The following IGF2BP3 variants were observed in gnomAD, a reference collection of about 807,000 sequenced individuals.
The protein encoded by IGF2BP3 is insulin-like growth factor 2 mRNA-binding protein 3.
Under a neutral mutation model 73.8 loss-of-function variants are expected in IGF2BP3, and 9 were observed. The ratio of observed to expected loss-of-function variants is 0.12; its 90% CI spans 0.07 to 0.21. The LOEUF (loss-of-function observed/expected upper bound fraction) is 0.21. Ranked by LOEUF, IGF2BP3 falls within the 10% of genes least tolerant of loss-of-function variation. The pLI is 1.00. For synonymous variants in IGF2BP3, 258 were observed against 256.7 expected (o/e 1.01, Z -0.05); for missense variants, 542 against 714.0 (o/e 0.76, Z 2.75).
intron 6 of IGF2BP3, among the ~76,000 whole-genome samples, chr7:23,350,984 G>C (rs931937121): frequency 6.6e-6 from 1 of 152,166 alleles, no homozygotes; most frequent in Non-Finnish European, 1.5e-5. Flanking sequence ...GAGGGCAGGT[G>C]GGGGGTAAGG....
At chr7:23,363,512 G>A (rs143622946) in intron 3 of IGF2BP3, among the ~76,000 whole-genome samples, 22 of 152,304 alleles carry the variant, frequency 1.4e-4, no homozygotes, top group African/African-American at 5.3e-4. Flanking sequence ...CTCCCCAAGT[G>A]CTGAGATTAC....
intron 10 of IGF2BP3, among the ~76,000 whole-genome samples, chr7:23,325,908 A>G (rs1784281144): frequency 6.6e-6 from 1 of 152,192 alleles, no homozygotes; most frequent in Non-Finnish European, 1.5e-5. Flanking sequence ...CCTTCCTTAC[A>G]CCTTATACAA....
chr7:23,458,865 T>C (rs1369764518), intron 2 of IGF2BP3, among the ~76,000 whole-genome samples: 1 of 152,206 alleles, frequency 6.6e-6, no homozygotes, highest in Non-Finnish European at 1.5e-5. Context: ...AGGACATCTC[T>C]GCTCTGACTT....
At chr7:23,415,480 T>C (rs977137774) in intron 3 of IGF2BP3, 1 of 183,058 alleles carries the variant, frequency 5.5e-6, no homozygotes, top group Non-Finnish European at 1.1e-5. Context: ...CATCACCGCA[T>C]CCGCAGGTCC....
rs190225312 is a variant in IGF2BP3, at chr7:23,407,481, T to C, written c.285+11295A>G. 6.6e-5 allele frequency among the ~76,000 whole-genome samples: 10 copies of C among 151,930 alleles called. No homozygotes were observed. The East Asian group carries it at 1.9e-3, about 30-fold the overall frequency. The stretch of plus-strand genomic sequence containing the variant: ...AAAATTAGCTGGGCATGGTGGCGCA[T>C]GTCTGTAATCCCAGCTACCTGGGAG... On this transcript the variant is annotated intron_variant, in intron 3 of 14. Coordinates refer to ENST00000258729, the MANE Select transcript of IGF2BP3 (RefSeq NM_006547.3).
chr7:23,432,638 ATTT>A (rs201185940), intron 2 of IGF2BP3, among the ~76,000 whole-genome samples: 5 of 144,510 alleles, frequency 3.5e-5, no homozygotes, highest in Non-Finnish European at 1.5e-5. Flanking sequence ...TCATTTTTTA[ATTT>A]TTTTTTTTTT....
intron 3 of IGF2BP3, among the ~76,000 whole-genome samples, chr7:23,389,254 A>T (rs1786192624): frequency 6.6e-6 from 1 of 151,318 alleles, no homozygotes; most frequent in Non-Finnish European, 1.5e-5. Flanking sequence ...TCCATCTCCC[A>T]GGTTCAAGTG....
intron 3 of IGF2BP3, among the ~76,000 whole-genome samples, chr7:23,382,177 T>C (rs967555104): frequency 2.0e-5 from 3 of 151,998 alleles, no homozygotes; most frequent in Admixed American, 6.6e-5. Flanking sequence ...GCCCAGGAGG[T>C]TGAGGCTGCA....
At position 23,312,410 on chromosome 7, in the gene IGF2BP3, T is replaced by G. The variant is rs747817963; in HGVS notation, c.1692A>C (p.Gln564His). The change falls in exon 15 of 15, where the codon CAA becomes CAC. Residue 564 changes from glutamine to histidine, a missense_variant. Physicochemically the swap from Gln to His is conservative, Grantham distance 24. This residue lies in a region of IGF2BP3 where 303 missense variants were observed against 472.1 expected (regional missense o/e 0.64). Transcript: ENST00000258729. The part of the protein sequence containing the change: ...QEILTQVKQH[Q>H]QQKALQSGPP... Reference sequence around the variant, plus strand: ...GTCCACTTTGCAGAGCCTTCTGTTGTTGGTGCTGCTTTACCTGAGTCAGAA... The same window carrying G: ...GTCCACTTTGCAGAGCCTTCTGTTGGTGGTGCTGCTTTACCTGAGTCAGAA... The G allele has an allele frequency of 2.5e-6, 4 of 1,613,860 alleles. No individual in the cohort carries two copies. Among genetic ancestry groups the G allele is most frequent in the Non-Finnish European group, 3.4e-6 (4 of 1,180,002 alleles).
At chr7:23,361,278 G>A in intron 5 of IGF2BP3, 1 of 332,248 alleles carries the variant, frequency 3.0e-6, no homozygotes, top group Non-Finnish European at 5.5e-6. Flanking sequence ...TGCAAATAGG[G>A]TGTGATTCAG....
At chr7:23,321,102 C>T (rs190406867) in intron 10 of IGF2BP3, among the ~76,000 whole-genome samples, 5 of 152,276 alleles carry the variant, frequency 3.3e-5, no homozygotes, top group African/African-American at 9.6e-5. Context: ...CTCCAGTCTA[C>T]AGCTCCCAGC....
Position 23,460,305 on chromosome 7 carries a change from A to T in IGF2BP3, c.236+8177T>A, listed in dbSNP as rs536797730. Among the ~76,000 whole-genome samples the T allele has an allele frequency of 4.6e-5, 7 of 152,026 alleles. No individual in the cohort carries two copies. In the East Asian group the frequency reaches 7.7e-4, roughly 17 times the overall value. ...CACTTTGGGAGGCTGAGGTGGGCAG[A>T]TTACCTGAAGTTATGAGTTCAAGAC... On this transcript the variant is annotated intron_variant, in intron 2 of 14. Transcript: ENST00000258729.
At chr7:23,394,910 A>T (rs1427770895) in intron 3 of IGF2BP3, among the ~76,000 whole-genome samples, 1 of 152,246 alleles carries the variant, frequency 6.6e-6, no homozygotes, top group African/African-American at 2.4e-5. Flanking sequence ...CAGCTGGGCA[A>T]CTTCAAGTAG....
intron 2 of IGF2BP3, among the ~76,000 whole-genome samples, chr7:23,449,374 G>A (rs948167313): frequency 1.6e-4 from 25 of 151,698 alleles, no homozygotes; most frequent in Middle Eastern, 6.8e-3. Flanking sequence ...AAAATTAGCC[G>A]GGTGTGGTGG....
At chr7:23,463,886 G>A (rs1035992257) in intron 2 of IGF2BP3, among the ~76,000 whole-genome samples, 5 of 152,122 alleles carry the variant, frequency 3.3e-5, no homozygotes, top group African/African-American at 9.7e-5. Context: ...GCAATCCCAC[G>A]CTGATCTTAA....
intron 6 of IGF2BP3, among the ~76,000 whole-genome samples, chr7:23,350,796 C>T (rs1426997765): frequency 2.6e-5 from 4 of 152,160 alleles, no homozygotes; most frequent in Non-Finnish European, 5.9e-5. Context: ...CCAATTAAAA[C>T]CATCAAAAAA....
chr7:23,344,707 T>C (rs531335224), intron 8 of IGF2BP3, among the ~76,000 whole-genome samples: 98 of 152,362 alleles, frequency 6.4e-4, no homozygotes, highest in African/African-American at 2.2e-3. Context: ...TTCATCTTCC[T>C]GAAGTTCTCA....
chr7:23,398,353 A>C (rs1019622512), intron 3 of IGF2BP3, among the ~76,000 whole-genome samples: 1 of 152,194 alleles, frequency 6.6e-6, no homozygotes, highest in Non-Finnish European at 1.5e-5. Flanking sequence ...TGCTACTGTT[A>C]ATAGTGCCAC....
chr7:23,466,393 C>T (rs1788567729), intron 2 of IGF2BP3, among the ~76,000 whole-genome samples: 1 of 152,202 alleles, frequency 6.6e-6, no homozygotes, highest in African/African-American at 2.4e-5. Context: ...AAACAACCTC[C>T]AATGTTCTCA....
Sources: gnomAD v4.1 joint callset for allele counts (sites outside exome capture counted in the v4.1 genomes callset) on GRCh38, gnomAD v4.1.1 for gene constraint, gnomAD v4.1.1 regional missense constraint, MANE v1.5 for transcripts, NCBI Gene and HGNC (gene_info 2026-07-23, HGNC 2026-07-21) for gene names.